ROBO1: variants seen among roughly 807,000 people sequenced by gnomAD.
ROBO1 encodes roundabout guidance receptor 1, also known as roundabout homolog 1.
In ROBO1, 149 loss-of-function variants were observed where a neutral mutation model predicts 195.9. The ratio of observed to expected loss-of-function variants is 0.76; its 90% CI spans 0.67 to 0.87. The LOEUF (loss-of-function observed/expected upper bound fraction) is 0.87, where lower values mean the gene tolerates loss of function less well. Ranked by LOEUF, ROBO1 falls within the 40% of genes least tolerant of loss-of-function variation. The pLI is 0.00. For synonymous variants in ROBO1, 816 were observed against 733.2 expected, an observed-to-expected ratio of 1.11 and a Z score of -1.82; for missense variants, 1,933 against 2,068.3, an observed-to-expected ratio of 0.93 and a Z score of 1.27.
rs1234445994 is a variant in ROBO1 at position 79,224,261 on chromosome 3, AG to A, written c.89-98723del. 5.9e-5 allele frequency among the ~76,000 whole-genome samples: 9 copies of A among 152,326 alleles called. No homozygotes were observed. The East Asian group carries it at 1.5e-3, about 26-fold the overall frequency. On this transcript the variant is annotated intron_variant, in intron 2 of 30. Coordinates refer to ENST00000464233, the MANE Select transcript of ROBO1 (RefSeq NM_002941.4). ...AGTCAAACAAAATCTTTACTTTCCAAGTGGGATGTTGAGAAGTTAAGAATAG... is the reference window on the plus strand; with the variant it reads ...AGTCAAACAAAATCTTTACTTTCCAATGGGATGTTGAGAAGTTAAGAATAG...
intron 18 of ROBO1, among the ~76,000 whole-genome samples, chr3:78,656,804 T>TTATCCTATTCAG (rs1220752940): frequency 6.6e-6 from 1 of 152,194 alleles, no homozygotes; most frequent in East Asian, 1.9e-4. Flanking sequence ...CATTGAATAT[T>TTATCCTATTCAG]GACAACCTTT....
chr3:79,733,595 G>A (rs1216009563), intron 1 of ROBO1, among the ~76,000 whole-genome samples: 2 of 152,158 alleles, frequency 1.3e-5, no homozygotes, highest in African/African-American at 4.8e-5. Flanking sequence ...CTCACCTCCA[G>A]ACTATTTCCT....
intron 1 of ROBO1, among the ~76,000 whole-genome samples, chr3:79,738,602 G>T (rs1221114144): frequency 6.6e-6 from 1 of 152,144 alleles, no homozygotes; most frequent in African/African-American, 2.4e-5. Context: ...AGAGTTCAGA[G>T]TCAGGAGGAT....
intron 2 of ROBO1, among the ~76,000 whole-genome samples, chr3:79,377,518 T>C (rs762959676): frequency 2.6e-5 from 4 of 152,368 alleles, no homozygotes; most frequent in African/African-American, 9.6e-5. Flanking sequence ...CACTTACCAT[T>C]AATAGAATTG....
intron 3 of ROBO1, among the ~76,000 whole-genome samples, chr3:79,100,578 G>A (rs974049851): frequency 3.3e-5 from 5 of 151,672 alleles, no homozygotes; most frequent in Non-Finnish European, 5.9e-5. Context: ...ATGAATTCAC[G>A]TGATCCTATC....
intron 3 of ROBO1, among the ~76,000 whole-genome samples, chr3:79,023,852 G>A (rs1231006670): frequency 6.6e-6 from 1 of 150,958 alleles, no homozygotes. Flanking sequence ...TACAGGTGCT[G>A]GCCACCACAC....
At chr3:79,505,040 C>A (rs79095576) in intron 2 of ROBO1, among the ~76,000 whole-genome samples, 1 of 122,320 alleles carries the variant, frequency 8.2e-6, no homozygotes, top group African/African-American at 2.9e-5. Context: ...AAAAAAAAAA[C>A]TTTTTGAATA....
intron 26 of ROBO1, among the ~76,000 whole-genome samples, chr3:78,620,396 C>T (rs1216473084): frequency 2.0e-5 from 3 of 152,004 alleles, no homozygotes; most frequent in Non-Finnish European, 4.4e-5. Flanking sequence ...CCTGTAATCC[C>T]AGCTACTCGG....
At chr3:78,680,331 T>C (rs936156090) in intron 10 of ROBO1, among the ~76,000 whole-genome samples, 8 of 152,054 alleles carry the variant, frequency 5.3e-5, no homozygotes, top group African/African-American at 1.9e-4. Flanking sequence ...AATTGACAAA[T>C]GGGATCTAAT....
chr3:79,756,260 A>C (rs1704388103), intron 1 of ROBO1, among the ~76,000 whole-genome samples: 1 of 152,070 alleles, frequency 6.6e-6, no homozygotes, highest in Non-Finnish European at 1.5e-5. Context: ...CATTAGAAGT[A>C]CACATATTGG....
chr3:79,363,716 G>A (rs1011878905), intron 2 of ROBO1, among the ~76,000 whole-genome samples: 5 of 152,134 alleles, frequency 3.3e-5, no homozygotes, highest in African/African-American at 7.2e-5. Context: ...ACACATACAC[G>A]CATGCAGTCT....
intron 4 of ROBO1, among the ~76,000 whole-genome samples, chr3:78,777,629 A>G (rs1213028679): frequency 3.9e-5 from 6 of 152,232 alleles, no homozygotes; most frequent in Non-Finnish European, 4.4e-5. Context: ...TTTTTATGTA[A>G]CAGCATTTAA....
chr3:78,768,927 G>T (rs564525777), intron 4 of ROBO1, among the ~76,000 whole-genome samples: 316 of 150,608 alleles, frequency 2.1e-3, no homozygotes, highest in Non-Finnish European at 2.9e-3. Context: ...TTTTGTTCTT[G>T]CGATAGTTTA....
At chr3:79,126,394 CCA>C (rs777955125) in intron 2 of ROBO1, among the ~76,000 whole-genome samples, 1 of 152,138 alleles carries the variant, frequency 6.6e-6, no homozygotes, top group Non-Finnish European at 1.5e-5. Flanking sequence ...CAACAACACT[CCA>C]GTTTCCATAT....
chr3:79,602,777 A>G (rs954784696), intron 1 of ROBO1, among the ~76,000 whole-genome samples: 4 of 152,036 alleles, frequency 2.6e-5, no homozygotes, highest in Admixed American at 2.0e-4. Flanking sequence ...TTCTCACCAT[A>G]ACTCATCAGA....
chr3:78,690,171 C>T (rs1216326183), intron 8 of ROBO1, among the ~76,000 whole-genome samples: 1 of 150,072 alleles, frequency 6.7e-6, no homozygotes, highest in African/African-American at 2.4e-5. Context: ...ATATAAAGCC[C>T]CTTTAAAAAA....
intron 4 of ROBO1, among the ~76,000 whole-genome samples, chr3:78,821,001 G>A (rs1438592863): frequency 6.6e-6 from 1 of 151,954 alleles, no homozygotes; most frequent in Non-Finnish European, 1.5e-5. Flanking sequence ...GGCCTACTAA[G>A]AAAATAATTC....
chr3:79,471,782 G>T (rs997090523), intron 2 of ROBO1, among the ~76,000 whole-genome samples: 1 of 152,042 alleles, frequency 6.6e-6, no homozygotes, highest in Admixed American at 6.6e-5. Context: ...CATGTCCTTT[G>T]CAGGGACATG....
rs747534196 is a variant in ROBO1, at chr3:78,938,652, T to C, written c.448A>G (p.Arg150Gly). Residue 150 changes from arginine to glycine, a missense_variant, in exon 4 of 31, where the codon AGG becomes GGG. Transcript: ENST00000464233. Reference sequence around the variant, plus strand: ...CTCACAGCCTCTCCAAGGTAATTCCTTGCTACACAGACATAGACTCCTTCA... The same window carrying C: ...CTCACAGCCTCTCCAAGGTAATTCCCTGCTACACAGACATAGACTCCTTCA... ...PDEGVYVCVA[R>G]NYLGEAVSHN... 19 of 1,613,864 alleles carry C rather than the reference T, an allele frequency of 1.2e-5. 1 individual carries two copies. The Admixed American group carries it at 2.8e-4, about 24-fold the overall frequency.
Sources: allele counts gnomAD v4.1 joint callset (sites outside exome capture counted in the v4.1 genomes callset), GRCh38; gene constraint gnomAD v4.1.1; transcripts MANE v1.5; gene names NCBI Gene and HGNC (gene_info 2026-07-23, HGNC 2026-07-21).